P4HTM: variants seen among roughly 807,000 people sequenced by gnomAD.
P4HTM encodes transmembrane prolyl 4-hydroxylase.
Under a neutral mutation model 55.3 loss-of-function variants are expected in P4HTM, and 33 were observed. The observed-to-expected ratio is 0.60, with a 90% confidence interval of 0.45 to 0.80. P4HTM has a LOEUF of 0.80. Ranked by LOEUF, P4HTM falls within the 30% of genes least tolerant of loss-of-function variation. The pLI is 0.00. For synonymous variants in P4HTM, 272 were observed against 286.4 expected (o/e 0.95, Z 0.51); for missense variants, 542 against 696.5 (o/e 0.78, Z 2.50).
At position 49,006,885 on chromosome 3, in the gene P4HTM, GC is replaced by G. The variant is rs745379599; in HGVS notation, c.1488del (p.Asp497MetfsTer36). 1.9e-6 allele frequency: 3 copies of G among 1,612,306 alleles called. No homozygotes were observed. Among genetic ancestry groups the G allele is most frequent in the Non-Finnish European group, 1.7e-6 (2 of 1,179,542 alleles). On this transcript the variant is annotated frameshift_variant, in exon 9 of 9. Coordinates refer to ENST00000383729, the MANE Select transcript of P4HTM (RefSeq NM_177939.3). LOFTEE classifies it high-confidence loss of function. ...QPEWALDRAYRDARVEL is the reference protein window; with the variant it reads ...QPEWALDRAYXDARVEL ...GAGTGGGCTCTGGACCGGGCCTACC[GC>G]GATGCGCGCGTGGAACTCTGAGGGA...
chr3:48,990,225 C>T (rs1263786301), upstream of P4HTM: 1 of 1,167,318 alleles, frequency 8.6e-7, no homozygotes, highest in Non-Finnish European at 1.1e-6. This position sits in a 1 kb window ranked among gnomAD's most constrained non-coding sequence, Gnocchi z 7.2. Context: ...CCCCGCGGCC[C>T]CTCCCCTGGG....
intron 2 of P4HTM, among the ~76,000 whole-genome samples, chr3:48,994,885 C>T (rs1023411977): frequency 2.6e-5 from 4 of 152,066 alleles, no homozygotes; most frequent in Non-Finnish European, 4.4e-5. Context: ...CTGCAACCTC[C>T]GCCTCCCGGG....
intron 2 of P4HTM, chr3:48,996,379 T>A (rs2092945630): frequency 1.3e-5 from 2 of 152,394 alleles, no homozygotes; most frequent in Non-Finnish European, 1.5e-5. Context: ...GTTCAAGCAA[T>A]TCTCCTGCCT....
In P4HTM at chr3:49,002,807, G is replaced by C. The variant is rs2092965545; in HGVS notation, c.724+211G>C. The C allele has an allele frequency of 4.5e-6, 3 of 659,492 alleles. No individual in the cohort carries two copies. Among genetic ancestry groups the C allele is most frequent in the Admixed American group, 4.2e-5 (2 of 47,326 alleles). The allele number at this position is 659,492 out of a possible 1,614,324, so 40.9% of individuals were successfully genotyped here. A position where few individuals can be genotyped will look rare whatever the true frequency, so the allele number is the denominator to read the frequency against. ...CAGGCCCCCCGTTCCCCTTGGTGAT[G>C]GTCTCGAGGGCAGTTCTTGGAGACC... is the stretch of plus-strand genomic sequence containing the variant. On this transcript the variant is annotated intron_variant, in intron 4 of 8. Transcript: ENST00000383729. The surrounding 1 kb of genome is among the most constrained non-coding windows in gnomAD (Gnocchi z 4.4).
chr3:48,990,770 C>G lies in P4HTM; in HGVS notation c.355-63C>G. ...GCTGTCGCTCTCCGGGCCGGGGCGA[C>G]TTGGCCCTTCTTGGGCAGCGCGGTC... On this transcript the variant is annotated intron_variant, in intron 1 of 8. Transcript: ENST00000383729. This position sits in a 1 kb window ranked among gnomAD's most constrained non-coding sequence, Gnocchi z 7.2. 1 of 1,563,316 alleles carries G rather than the reference C, an allele frequency of 6.4e-7. No individual in the cohort carries two copies. The highest frequency in any genetic ancestry group is 8.8e-7 in the Non-Finnish European group (1 of 1,140,060).
At chr3:49,003,291 CT>C (rs2092967100) in intron 4 of P4HTM, 1 of 95,460 alleles carries the variant, frequency 1.0e-5, no homozygotes, top group African/African-American at 3.5e-5. Flanking sequence ...AGTGAAGAAT[CT>C]GGCCGTGACC....
chr3:48,995,923 G>T (rs1337791846), intron 2 of P4HTM, among the ~76,000 whole-genome samples: 1 of 152,134 alleles, frequency 6.6e-6, no homozygotes, highest in African/African-American at 2.4e-5. Context: ...AGTTCACTGG[G>T]TGCTCTCAGC....
rs1296674553 is a variant in P4HTM at position 49,004,141 on chromosome 3, C to G, written c.768C>G (p.Asp256Glu). 3.2e-6 allele frequency: 5 copies of G among 1,553,788 alleles called. No homozygotes were observed. In the African/African-American group the frequency reaches 6.8e-5, roughly 21 times the overall value. ...LQEFSNMDLR[D>E]FHKYMRSHKA... ...AGTTCTCCAACATGGACCTTCGGGA[C>G]TTCCACAAGTACATGAGGAGCCACA... Residue 256 changes from aspartate (D) to glutamate (E), a missense_variant, in exon 5 of 9, where the codon GAC (aspartate) becomes GAG (glutamate). Physicochemically the swap from Asp to Glu is conservative, Grantham distance 45. Transcript: ENST00000383729.
intron 6 of P4HTM, 175 bp from the exon 7 acceptor site, chr3:49,005,602 G>T (rs1421215296): frequency 5.6e-6 from 8 of 1,416,734 alleles, no homozygotes; most frequent in Non-Finnish European, 7.4e-6. Context: ...TAAGAGACTG[G>T]GTTTCGGGGA....
At position 49,001,449 on chromosome 3, in the gene P4HTM, T is replaced by A; in HGVS notation, c.448T>A (p.Phe150Ile). ...TCCTCTTCTGGCAGAAATCCCCGGC[T>A]TCCTGACTGATGAAGAGTGTCGGCT... is the stretch of plus-strand genomic sequence containing the variant. The part of the protein sequence containing the change: ...LKPLLFEIPG[F>I]LTDEECRLII... Residue 150 changes from phenylalanine (F) to isoleucine (I), a missense_variant, in exon 3 of 9, where the codon TTC becomes ATC. By Grantham distance (21) the Phe-to-Ile change is conservative. This residue lies in a region of P4HTM where 536 missense variants were observed against 672.1 expected (regional missense o/e 0.80). Coordinates refer to ENST00000383729, the MANE Select transcript of P4HTM (RefSeq NM_177939.3). 1 of 1,613,908 alleles carries A rather than the reference T, an allele frequency of 6.2e-7. No individual in the cohort carries two copies. The highest frequency in any genetic ancestry group is 8.5e-7 in the Non-Finnish European group (1 of 1,180,030).
chr3:48,995,669 G>A (rs534643797), intron 2 of P4HTM, among the ~76,000 whole-genome samples: 8 of 150,498 alleles, frequency 5.3e-5, no homozygotes, highest in South Asian at 2.1e-4. Context: ...TGCAACCTCC[G>A]CCTCCTGGGC....
At chr3:48,991,526 A>G (rs948110406) in intron 2 of P4HTM, 1 of 152,256 alleles carries the variant, frequency 6.6e-6, no homozygotes, top group Non-Finnish European at 1.5e-5. Flanking sequence ...TTGCCTTCAT[A>G]TGATTATTTC....
intron 6 of P4HTM, 199 bp from the exon 7 acceptor site, chr3:49,005,578 A>G (rs1019412371): frequency 3.6e-6 from 5 of 1,392,070 alleles, no homozygotes; most frequent in Admixed American, 5.8e-5. Context: ...CCAAAAAACC[A>G]TTGCAACTCA....
chr3:48,993,736 C>A (rs2106646117), intron 2 of P4HTM, among the ~76,000 whole-genome samples: 1 of 151,852 alleles, frequency 6.6e-6, no homozygotes, highest in Non-Finnish European at 1.5e-5. Context: ...GTGGTGGATG[C>A]CTGTAATCCC....
intron 5 of P4HTM, 87 bp from the exon 6 acceptor site, chr3:49,004,774 G>C (rs2092971432): frequency 7.1e-7 from 1 of 1,403,210 alleles, no homozygotes; most frequent in Admixed American, 1.9e-5. Flanking sequence ...GGCAAAGCTT[G>C]TGGCAGGCCT....
chr3:49,004,903 C>G lies in P4HTM; in HGVS notation c.930C>G (p.Leu310=), dbSNP rs755596095. Residue 310 remains leucine, a synonymous_variant, in exon 6 of 9, where the codon CTC becomes CTG. Coordinates refer to ENST00000383729, the MANE Select transcript of P4HTM (RefSeq NM_177939.3). ...LTRLSPEIVE[L]SEPLQVVRYG... ...GCCTGTCGCCTGAGATCGTGGAGCT[C>G]AGCGAGCCGCTGCAGGTTGTTCGAT... 6.2e-7 allele frequency: 1 copy of G among 1,612,308 alleles called. No individual in the cohort carries two copies. The highest frequency in any genetic ancestry group is 8.5e-7 in the Non-Finnish European group (1 of 1,179,936).
intron 2 of P4HTM, 109 bp from the exon 3 acceptor site, chr3:49,001,329 T>C: frequency 1.1e-6 from 1 of 928,208 alleles, no homozygotes; most frequent in East Asian, 2.5e-5. Context: ...CCAGACCTGG[T>C]GGCCACTGAG....
In P4HTM at chr3:49,002,516, G is replaced by A. The variant is rs886675089; in HGVS notation, c.644G>A (p.Arg215His). The A allele has an allele frequency of 3.2e-5, 52 of 1,613,830 alleles. No homozygotes were observed. The highest frequency in any genetic ancestry group is 1.6e-4 in the Middle Eastern group (1 of 6,080). The change falls in exon 4 of 9, where the codon CGC becomes CAC. Residue 215 changes from arginine (R) to histidine (H), a missense_variant. This residue lies in a region of P4HTM where 536 missense variants were observed against 672.1 expected (regional missense o/e 0.80). Transcript: ENST00000383729. The surrounding 1 kb of genome is among the most constrained non-coding windows in gnomAD (Gnocchi z 4.4). Reference sequence around the variant, plus strand: ...ATGCTTTAGGTTCTGGCCCAGACTCGCCTGGGAAATGGATGGTGGATGACT... The same window carrying A: ...ATGCTTTAGGTTCTGGCCCAGACTCACCTGGGAAATGGATGGTGGATGACT... ...LQLREVLAQTRLGNGWWMTPE... is the reference protein window; with the variant it reads ...LQLREVLAQTHLGNGWWMTPE...
At chr3:49,003,878 C>T (rs528070251) in intron 4 of P4HTM, 1 of 521,676 alleles carries the variant, frequency 1.9e-6, no homozygotes, top group South Asian at 2.7e-5. Flanking sequence ...AGGGCTTAAA[C>T]TGAGAAAAGG....
Sources: gnomAD v4.1 joint callset for allele counts (sites outside exome capture counted in the v4.1 genomes callset) on GRCh38, gnomAD v4.1.1 for gene constraint, gnomAD v4.1.1 regional missense constraint, Gnocchi (gnomAD v3.1) non-coding constraint, MANE v1.5 for transcripts, NCBI Gene and HGNC (gene_info 2026-07-23, HGNC 2026-07-21) for gene names.